The following CPLANE1 variants were observed in gnomAD, a reference collection of about 807,000 sequenced individuals.
CPLANE1 encodes the protein ciliogenesis and planar polarity effector complex subunit 1.
Under a neutral mutation model 362.5 loss-of-function variants are expected in CPLANE1, and 263 were observed. The ratio of observed to expected loss-of-function variants is 0.73; its 90% CI spans 0.66 to 0.80. CPLANE1 has a LOEUF of 0.80. CPLANE1 is among the 30% of genes least tolerant of loss of function. The pLI is 0.00. For synonymous variants in CPLANE1, 1,212 were observed against 1,302.6 expected, an observed-to-expected ratio of 0.93 and a Z score of 1.50; for missense variants, 3,461 against 3,793.4, an observed-to-expected ratio of 0.91 and a Z score of 2.30.
chr5:37,129,820 T>C (rs939963739), intron 46 of CPLANE1, among the ~76,000 whole-genome samples: 1 of 152,186 alleles, frequency 6.6e-6, no homozygotes, highest in Admixed American at 6.5e-5. Flanking sequence ...ACAACCACTA[T>C]GGAAAACAGT....
intron 41 of CPLANE1, among the ~76,000 whole-genome samples, chr5:37,155,920 CCT>C (rs2150672082): frequency 1.3e-5 from 2 of 152,278 alleles, no homozygotes; most frequent in South Asian, 4.1e-4. Flanking sequence ...ACATACTTCC[CCT>C]GTCTGAAAGA....
Position 37,138,833 on chromosome 5 carries a change from C to A in CPLANE1, c.8679G>T (p.Pro2893=). The part of the protein sequence containing the change: ...DELCESVSVH[P]LQMTGLTDIA... Reference sequence around the variant, plus strand: ...TATCAGTCAATCCAGTCATCTGGAGCGGATGTACTGAAACACTTCATTTGC... The same window carrying A: ...TATCAGTCAATCCAGTCATCTGGAGAGGATGTACTGAAACACTTCATTTGC... Residue 2893 remains proline (P), a synonymous_variant, in exon 46 of 53, where the codon CCG becomes CCT. Coordinates refer to ENST00000651892, the MANE Select transcript of CPLANE1 (RefSeq NM_001384732.1). 6.2e-7 allele frequency: 1 copy of A among 1,607,856 alleles called. No homozygotes were observed. Among genetic ancestry groups the A allele is most frequent in the Non-Finnish European group, 8.5e-7 (1 of 1,178,046 alleles).
At chr5:37,184,643 T>G in intron 25 of CPLANE1, 145 bp downstream of exon 25, 1 of 614,992 alleles carries the variant, frequency 1.6e-6, no homozygotes. Context: ...AATATTCTTA[T>G]GAGTGGAGGG....
the CPLANE1 span, among the ~76,000 whole-genome samples, chr5:37,097,242 C>A: frequency 6.6e-6 from 1 of 152,050 alleles, no homozygotes; most frequent in Non-Finnish European, 1.5e-5. Flanking sequence ...TGCATTTCAT[C>A]CAATTGCTGC....
rs548376084 is a variant in CPLANE1, at chr5:37,129,900, C to T, written c.8793-4491G>A. Among the ~76,000 whole-genome samples the T allele has an allele frequency of 3.5e-4, 54 of 152,264 alleles. No individual in the cohort carries two copies. The South Asian group carries it at 0.011, about 31-fold the overall frequency. On this transcript the variant is annotated intron_variant, in intron 46 of 52. Coordinates refer to ENST00000651892, the MANE Select transcript of CPLANE1 (RefSeq NM_001384732.1). ...CAGCAATCCCACTACTGGGTATCTACCCAGAGGAAAAGAAGTCATTATATG... is the reference window on the plus strand; with the variant it reads ...CAGCAATCCCACTACTGGGTATCTATCCAGAGGAAAAGAAGTCATTATATG...
At chr5:37,211,215 G>A (rs1422982498) in intron 16 of CPLANE1, 7 of 1,454,076 alleles carry the variant, frequency 4.8e-6, no homozygotes, top group Non-Finnish European at 6.8e-6. Flanking sequence ...AGGGATGGAG[G>A]GTAGTTCCCC....
In CPLANE1 at chr5:37,107,203, G is replaced by A; in HGVS notation, c.*399C>T. On this transcript the variant is annotated 3_prime_UTR_variant, in exon 53 of 53. Coordinates refer to ENST00000651892, the MANE Select transcript of CPLANE1 (RefSeq NM_001384732.1). ...AGGTGAGACTGATTTTCTTCTCAAT[G>A]AAAAGATTTTTTTTTTTCCTATTAG... 1 of 988,684 alleles carries A rather than the reference G, an allele frequency of 1.0e-6. No homozygotes were observed. The highest frequency in any genetic ancestry group is 1.2e-6 in the Non-Finnish European group (1 of 832,138). 61.2% of individuals were successfully genotyped at this position (988,684 alleles called of 1,614,324 possible).
chr5:37,085,298 C>T, the CPLANE1 span: 1 of 1,042,292 alleles, frequency 9.6e-7, no homozygotes, highest in Non-Finnish European at 1.5e-6. Flanking sequence ...ATATAACCTA[C>T]CCTGCTGGAT....
intron 30 of CPLANE1, among the ~76,000 whole-genome samples, chr5:37,176,762 CTTT>C (rs11463353): frequency 1.5e-5 from 2 of 137,174 alleles, no homozygotes; most frequent in Non-Finnish European, 1.6e-5. Flanking sequence ...ATTATGTTGC[CTTT>C]TTTTTTTTTT....
chr5:37,147,844 A>G (rs1256621333), intron 43 of CPLANE1, among the ~76,000 whole-genome samples: 1 of 152,010 alleles, frequency 6.6e-6, no homozygotes, highest in African/African-American at 2.4e-5. Context: ...ACAAACAGCA[A>G]CCTCAGCACA....
Position 37,206,412 on chromosome 5 carries a change from T to G in CPLANE1, c.2934A>C (p.Arg978=). ...PLHIKTEQSF[R]LIPLQHSKVA... ...CCTTAGAGTGTTGCAGAGGAATAAGTCGAAAGGACTGCTCTGTGAGTAAAT... is the reference window on the plus strand; with the variant it reads ...CCTTAGAGTGTTGCAGAGGAATAAGGCGAAAGGACTGCTCTGTGAGTAAAT... Residue 978 remains arginine (R), a synonymous_variant, in exon 17 of 53, where the codon CGA becomes CGC. Transcript: ENST00000651892. 6.5e-7 allele frequency: 1 copy of G among 1,549,942 alleles called. No individual in the cohort carries two copies.
intron 9 of CPLANE1, among the ~76,000 whole-genome samples, chr5:37,230,630 T>C (rs572630303): frequency 6.6e-6 from 1 of 152,260 alleles, no homozygotes; most frequent in Admixed American, 6.5e-5. Flanking sequence ...TAATTTTTCG[T>C]GCTATTAAAT....
chr5:37,217,191 TAA>T (rs1279607811), intron 15 of CPLANE1, among the ~76,000 whole-genome samples: 2 of 152,212 alleles, frequency 1.3e-5, no homozygotes, highest in African/African-American at 2.4e-5. Flanking sequence ...TCAGTAATCT[TAA>T]TCATTCAAAC....
rs1799851965 is a variant in CPLANE1, at chr5:37,239,580, C to CAAAAAAAAAAAAAAAAAAACAAAA, written c.834+132_834+133insTTTTGTTTTTTTTTTTTTTTTTTT. ...CCTAGGCAACAGAGAGAGACCCTGTCAAAAAAAAAAAAAAAAAAAACCAGA... is the reference window on the plus strand; with the variant it reads ...CCTAGGCAACAGAGAGAGACCCTGTCAAAAAAAAAAAAAAAAAAACAAAAAAAAAAAAAAAAAAAAAAAACCAGA... On this transcript the variant is annotated intron_variant, in intron 7 of 52. Transcript: ENST00000651892. 7.0e-6 allele frequency: 2 copies of CAAAAAAAAAAAAAAAAAAACAAAA among 287,384 alleles called. 1 individual carries two copies. The highest frequency in any genetic ancestry group is 1.1e-5 in the Non-Finnish European group (2 of 185,150). The allele number at this position is 287,384 out of a possible 1,614,324, so 17.8% of individuals were successfully genotyped here.
the CPLANE1 span, among the ~76,000 whole-genome samples, chr5:37,090,576 C>T: frequency 6.6e-6 from 1 of 152,180 alleles, no homozygotes; most frequent in Non-Finnish European, 1.5e-5. Context: ...TTATCTCATA[C>T]CCTGGTAATC....
Position 37,228,504 on chromosome 5 carries a change from A to G in CPLANE1, c.1122-687T>C, listed in dbSNP as rs116680121. 3.4e-3 allele frequency among the ~76,000 whole-genome samples: 513 copies of G among 152,320 alleles called. 1 individual carries two copies. Among genetic ancestry groups the G allele is most frequent in the Non-Finnish European group, 4.5e-3 (308 of 68,008 alleles). ...GGTAATTATAGGACATACACCCCAC[A>G]GACTTCTGTAGAACCATTAAAAATA... On this transcript the variant is annotated intron_variant, in intron 9 of 52. Coordinates refer to ENST00000651892, the MANE Select transcript of CPLANE1 (RefSeq NM_001384732.1).
intron 10 of CPLANE1, 58 bp from the exon 11 acceptor site, chr5:37,227,450 T>TA (rs1796696186): frequency 4.0e-6 from 6 of 1,488,736 alleles, no homozygotes; most frequent in South Asian, 2.7e-5. Context: ...AATTCTATTA[T>TA]AAGCAATTAA....
At chr5:37,084,963 T>A in the CPLANE1 span, 6 of 544,050 alleles carry the variant, frequency 1.1e-5, no homozygotes, top group South Asian at 1.1e-4. Context: ...AGTAGCTATT[T>A]TTATATCAGA....
chr5:37,209,443 T>G lies in CPLANE1; in HGVS notation c.2921-3018A>C. The G allele has an allele frequency of 7.6e-7, 1 of 1,312,278 alleles. No individual in the cohort carries two copies. The highest frequency in any genetic ancestry group is 1.2e-5 in the South Asian group (1 of 84,944). The allele number at this position is 1,312,278 out of a possible 1,614,324, so 81.3% of individuals were successfully genotyped here. ...CTGCGCAAAAAGCTATACCAGACAT[T>G]TAAGGATCGGGGTATACTGGAAACA... On this transcript the variant is annotated intron_variant, in intron 16 of 52. Coordinates refer to ENST00000651892, the MANE Select transcript of CPLANE1 (RefSeq NM_001384732.1). The surrounding 1 kb of genome is among the most constrained non-coding windows in gnomAD (Gnocchi z 4.6).
Sources: gnomAD v4.1 joint callset for allele counts (sites outside exome capture counted in the v4.1 genomes callset) on GRCh38, gnomAD v4.1.1 for gene constraint, Gnocchi (gnomAD v3.1) non-coding constraint, MANE v1.5 for transcripts, NCBI Gene and HGNC (gene_info 2026-07-23, HGNC 2026-07-21) for gene names.